Variants in EFEMP1 observed in about 807,000 individuals in gnomAD.
The protein encoded by EFEMP1 is EGF-containing fibulin-like extracellular matrix protein 1.
In EFEMP1, 18 loss-of-function variants were observed where a neutral mutation model predicts 65.7. That is an observed-to-expected ratio of 0.27 (90% CI 0.19 to 0.41). The LOEUF is 0.41. Among genes scored for constraint, EFEMP1 ranks in the 10% least tolerant of loss-of-function variants. EFEMP1 has a pLI of 1.00. For missense variants in EFEMP1, 469 were observed against 624.8 expected, an observed-to-expected ratio of 0.75 and a Z score of 2.66; for synonymous variants, 237 against 219.7, an observed-to-expected ratio of 1.08 and a Z score of -0.70.
At chr2:55,913,764 C>T (rs536872489) in intron 5 of EFEMP1, among the ~76,000 whole-genome samples, 13 of 152,232 alleles carry the variant, frequency 8.5e-5, no homozygotes, top group Non-Finnish European at 1.8e-4. Flanking sequence ...AACACCAGCA[C>T]TTTGGGAGGC....
intron 5 of EFEMP1, among the ~76,000 whole-genome samples, chr2:55,910,506 G>A (rs1670443022): frequency 6.6e-6 from 1 of 152,128 alleles, no homozygotes; most frequent in South Asian, 2.1e-4. Context: ...ACGTGCAAAG[G>A]CAATCCTTAC....
chr2:55,893,602 G>A (rs1375698515), intron 5 of EFEMP1, among the ~76,000 whole-genome samples: 1 of 152,086 alleles, frequency 6.6e-6, no homozygotes, highest in African/African-American at 2.4e-5. Flanking sequence ...ATACTGTGAG[G>A]ACAATTAAAA....
In EFEMP1 at chr2:55,871,523, G is replaced by A. The variant is rs193241405; in HGVS notation, c.1001-400C>T. 3.3e-5 allele frequency among the ~76,000 whole-genome samples: 5 copies of A among 152,128 alleles called. No homozygotes were observed. Among genetic ancestry groups the A allele is most frequent in the Non-Finnish European group, 7.4e-5 (5 of 67,972 alleles). On this transcript the variant is annotated intron_variant, in intron 9 of 11. Transcript: ENST00000355426. The surrounding 1 kb of genome is among the most constrained non-coding windows in gnomAD (Gnocchi z 4.2). ...AGTAAGAGATAGATAAGTATACTGG[G>A]GCATGTGGAGCAGAGTTGGGTAATT...
chr2:55,872,258 T>G lies in EFEMP1; in HGVS notation c.1001-1135A>C, dbSNP rs184076069. Among the ~76,000 whole-genome samples the G allele has an allele frequency of 2.0e-5, 3 of 152,280 alleles. No homozygotes were observed. In the East Asian group the frequency reaches 5.8e-4, roughly 29 times the overall value. On this transcript the variant is annotated intron_variant, in intron 9 of 11. Coordinates refer to ENST00000355426, the MANE Select transcript of EFEMP1 (RefSeq NM_001039348.3). ...TAAGTAATTTACTGAATCCTTGCTGTAAGCCAAGCATGGGCTAGGTGCTGG... is the reference window on the plus strand; with the variant it reads ...TAAGTAATTTACTGAATCCTTGCTGGAAGCCAAGCATGGGCTAGGTGCTGG...
intron 11 of EFEMP1, among the ~76,000 whole-genome samples, chr2:55,868,221 C>T (rs985486203): frequency 1.3e-5 from 2 of 152,158 alleles, no homozygotes; most frequent in African/African-American, 4.8e-5. Flanking sequence ...GTAATAATAA[C>T]ACCTTGAAGG....
intron 6 of EFEMP1, among the ~76,000 whole-genome samples, chr2:55,880,758 A>T (rs1299004218): frequency 6.6e-6 from 1 of 152,206 alleles, no homozygotes; most frequent in African/African-American, 2.4e-5. Context: ...GGGCCTCATG[A>T]TTGAGCCCAG....
rs1018103854 is a variant in EFEMP1, at chr2:55,871,428, G to T, written c.1001-305C>A. Among the ~76,000 whole-genome samples, 2 of 152,122 alleles carry T rather than the reference G, an allele frequency of 1.3e-5. No homozygotes were observed. Among genetic ancestry groups the T allele is most frequent in the African/African-American group, 4.8e-5 (2 of 41,440 alleles). ...CTGCCTATATAAAAGTTAAACACCA[G>T]TTCTTGTCATCAGGGACATTATAAT... On this transcript the variant is annotated intron_variant, in intron 9 of 11. Coordinates refer to ENST00000355426, the MANE Select transcript of EFEMP1 (RefSeq NM_001039348.3). This position sits in a 1 kb window ranked among gnomAD's most constrained non-coding sequence, Gnocchi z 4.2.
chr2:55,879,822 T>A (rs1230562931), intron 6 of EFEMP1, among the ~76,000 whole-genome samples: 1 of 152,204 alleles, frequency 6.6e-6, no homozygotes, highest in Non-Finnish European at 1.5e-5. Flanking sequence ...TTGACATTAG[T>A]GCAACATTAT....
intron 11 of EFEMP1, among the ~76,000 whole-genome samples, chr2:55,868,369 T>C (rs1395725196): frequency 6.6e-6 from 1 of 152,154 alleles, no homozygotes. Flanking sequence ...TTCTAGTGGA[T>C]GACACAGTTC....
At chr2:55,888,973 C>T (rs959437131) in intron 5 of EFEMP1, among the ~76,000 whole-genome samples, 5 of 152,166 alleles carry the variant, frequency 3.3e-5, no homozygotes, top group African/African-American at 9.7e-5. Flanking sequence ...TCCCCGGCTC[C>T]GGCTCAAACA....
At chr2:55,902,255 A>C (rs1214379173) in intron 5 of EFEMP1, among the ~76,000 whole-genome samples, 2 of 152,264 alleles carry the variant, frequency 1.3e-5, no homozygotes, top group Non-Finnish European at 2.9e-5. Flanking sequence ...AACTCAGGCA[A>C]GACTCATGGC....
In EFEMP1 at chr2:55,871,126, G is replaced by A. The variant is rs778868978; in HGVS notation, c.1001-3C>T. On this transcript the variant is annotated splice_polypyrimidine_tract_variant and splice_region_variant and intron_variant, in intron 9 of 11. Coordinates refer to ENST00000355426, the MANE Select transcript of EFEMP1 (RefSeq NM_001039348.3). This position sits in a 1 kb window ranked among gnomAD's most constrained non-coding sequence, Gnocchi z 4.2. ...TGTGGTCTCACACTCATTTATATCTGTAGAGATGTAGGGTCAAAGAGTTTA... is the reference window on the plus strand; with the variant it reads ...TGTGGTCTCACACTCATTTATATCTATAGAGATGTAGGGTCAAAGAGTTTA... The A allele has an allele frequency of 1.2e-6, 2 of 1,613,442 alleles. No homozygotes were observed. The highest frequency in any genetic ancestry group is 8.5e-7 in the Non-Finnish European group (1 of 1,179,594).
Position 55,870,579 on chromosome 2 carries a change from C to T in EFEMP1, c.1320+141G>A, listed in dbSNP as rs1373358946. 1 of 909,438 alleles carries T rather than the reference C, an allele frequency of 1.1e-6. No individual in the cohort carries two copies. Among genetic ancestry groups the T allele is most frequent in the East Asian group, 2.6e-5 (1 of 39,080 alleles). 56.3% of individuals were successfully genotyped at this position (909,438 alleles called of 1,614,324 possible). A position where few individuals can be genotyped will look rare whatever the true frequency, so the allele number is the denominator to read the frequency against. On this transcript the variant is annotated intron_variant, in intron 11 of 11. Coordinates refer to ENST00000355426, the MANE Select transcript of EFEMP1 (RefSeq NM_001039348.3). The surrounding 1 kb of genome is among the most constrained non-coding windows in gnomAD (Gnocchi z 5.8). ...TAAATGAAATAATGTAGCTGGAAGG[C>T]CTTACACAATGCCTACACATAAGAC...
Position 55,922,286 on chromosome 2 carries a change from A to C in EFEMP1, c.81+74T>G, listed in dbSNP as rs1670929867. 7.5e-7 allele frequency: 1 copy of C among 1,338,114 alleles called. No homozygotes were observed. The highest frequency in any genetic ancestry group is 1.4e-5 in the African/African-American group (1 of 69,338). 82.9% of individuals were successfully genotyped at this position (1,338,114 alleles called of 1,614,324 possible). On this transcript the variant is annotated intron_variant, in intron 3 of 11. Transcript: ENST00000355426. The surrounding 1 kb of genome is among the most constrained non-coding windows in gnomAD (Gnocchi z 5.5). ...CAGAGTATAGCCCAAATACACTGGC[A>C]GGGGTGTGTAAAGTCTTTTTTTGTC... is the stretch of plus-strand genomic sequence containing the variant.
In EFEMP1 at chr2:55,886,321, T is replaced by G. The variant is rs557772267; in HGVS notation, c.518-4587A>C. On this transcript the variant is annotated intron_variant, in intron 5 of 11. Coordinates refer to ENST00000355426, the MANE Select transcript of EFEMP1 (RefSeq NM_001039348.3). This position sits in a 1 kb window ranked among gnomAD's most constrained non-coding sequence, Gnocchi z 4.0. ...ATATACTTTTTTTGTTTCCAGACTG[T>G]AAACCCCTGGAGTAAAATAACCGTA... Among the ~76,000 whole-genome samples the G allele has an allele frequency of 7.2e-5, 11 of 152,282 alleles. No individual in the cohort carries two copies. In the South Asian group the frequency reaches 2.3e-3, roughly 32 times the overall value.
At chr2:55,876,415 A>C (rs1207824624) in intron 8 of EFEMP1, among the ~76,000 whole-genome samples, 1 of 152,120 alleles carries the variant, frequency 6.6e-6, no homozygotes, top group Non-Finnish European at 1.5e-5. Flanking sequence ...GCCAGCCTGC[A>C]CCTAATATTT....
chr2:55,914,218 T>G (rs897794839), intron 5 of EFEMP1, among the ~76,000 whole-genome samples: 3 of 152,216 alleles, frequency 2.0e-5, no homozygotes, highest in African/African-American at 7.2e-5. Flanking sequence ...TGAAATGATC[T>G]TCATTTTATA....
Position 55,911,674 on chromosome 2 carries a change from T to C in EFEMP1, c.517+5991A>G, listed in dbSNP as rs36103612. 8.0e-3 allele frequency among the ~76,000 whole-genome samples: 1,214 copies of C among 152,256 alleles called. 16 individuals are homozygous for C. Among genetic ancestry groups the C allele is most frequent in the Non-Finnish European group, 0.012 (799 of 68,010 alleles). On this transcript the variant is annotated intron_variant, in intron 5 of 11. Coordinates refer to ENST00000355426, the MANE Select transcript of EFEMP1 (RefSeq NM_001039348.3). The stretch of plus-strand genomic sequence containing the variant: ...TAATAAGTTACCTGATGATGCTTGA[T>C]GCATCTGGTCTAGGGACTACACTTT...
chr2:55,872,090 TA>T (rs200009845), intron 9 of EFEMP1, among the ~76,000 whole-genome samples: 1,564 of 151,908 alleles, frequency 0.01, 26 homozygotes, highest in African/African-American at 0.036. Context: ...ACAACAACAA[TA>T]AAAATAAAAT....
Sources: allele counts gnomAD v4.1 joint callset (sites outside exome capture counted in the v4.1 genomes callset), GRCh38; gene constraint gnomAD v4.1.1; non-coding constraint Gnocchi (gnomAD v3.1); transcripts MANE v1.5; gene names NCBI Gene and HGNC (gene_info 2026-07-23, HGNC 2026-07-21).